Variants in XYLT1 observed in about 807,000 individuals in gnomAD.
XYLT1 encodes xylosyltransferase 1, also known as beta-D-xylosyltransferase 1.
XYLT1 carries 36 observed loss-of-function variants against 91.3 expected under a neutral mutation model. That is an observed-to-expected ratio of 0.39 (90% CI 0.30 to 0.52). The LOEUF is 0.52. Ranked by LOEUF, XYLT1 falls within the 20% of genes least tolerant of loss-of-function variation. The pLI, the probability that XYLT1 is intolerant of heterozygous loss-of-function variation, is 0.68. For missense variants in XYLT1, 1,242 were observed against 1,284.5 expected (o/e 0.97, Z 0.51); for synonymous variants, 588 against 532.0 (o/e 1.11, Z -1.45).
intron 2 of XYLT1, among the ~76,000 whole-genome samples, chr16:17,331,959 T>C (rs2034904278): frequency 6.6e-6 from 1 of 152,218 alleles, no homozygotes; most frequent in Non-Finnish European, 1.5e-5. Flanking sequence ...TGCCTGCCTA[T>C]CCCTGGAGAG....
At chr16:17,315,207 C>G (rs1484962704) in intron 2 of XYLT1, among the ~76,000 whole-genome samples, 1 of 152,232 alleles carries the variant, frequency 6.6e-6, no homozygotes, top group Non-Finnish European at 1.5e-5. Flanking sequence ...CAAAGCTCAG[C>G]ATGTCCTGAA....
intron 3 of XYLT1, among the ~76,000 whole-genome samples, chr16:17,224,297 C>T (rs2033024722): frequency 6.6e-6 from 1 of 152,192 alleles, no homozygotes; most frequent in South Asian, 2.1e-4. Context: ...CCTAAACTTT[C>T]CATACATTTC....
At chr16:17,125,123 G>A (rs2030213147) in intron 10 of XYLT1, among the ~76,000 whole-genome samples, 1 of 152,020 alleles carries the variant, frequency 6.6e-6, no homozygotes, top group African/African-American at 2.4e-5. Flanking sequence ...TCCATTGCTG[G>A]TGAGCTAGTG....
At chr16:17,172,470 T>C (rs557159494) in intron 5 of XYLT1, among the ~76,000 whole-genome samples, 123 of 144,210 alleles carry the variant, frequency 8.5e-4, no homozygotes, top group African/African-American at 2.9e-3. Context: ...TCATTTCTTT[T>C]TTTTTTTTTT....
At chr16:17,410,203 A>G (rs1185827140) in intron 1 of XYLT1, among the ~76,000 whole-genome samples, 2 of 152,222 alleles carry the variant, frequency 1.3e-5, no homozygotes, top group Non-Finnish European at 2.9e-5. Flanking sequence ...AAGTATTGAT[A>G]CAAAAGGTGT....
intron 1 of XYLT1, among the ~76,000 whole-genome samples, chr16:17,447,403 T>C (rs537953479): frequency 3.9e-5 from 6 of 152,370 alleles, no homozygotes; most frequent in South Asian, 2.1e-4. Flanking sequence ...TCAAGCATTC[T>C]AGACCCTGTG....
At chr16:17,430,702 T>C (rs1300705985) in intron 1 of XYLT1, among the ~76,000 whole-genome samples, 1 of 152,204 alleles carries the variant, frequency 6.6e-6, no homozygotes, top group African/African-American at 2.4e-5. Flanking sequence ...TGTTTACATA[T>C]GGTCTTCCAG....
chr16:17,382,815 A>G (rs1473805290), intron 1 of XYLT1, among the ~76,000 whole-genome samples: 1 of 151,888 alleles, frequency 6.6e-6, no homozygotes, highest in Non-Finnish European at 1.5e-5. Context: ...AAGACACTTT[A>G]GTGCATTACT....
At chr16:17,247,118 C>T (rs933590744) in intron 3 of XYLT1, among the ~76,000 whole-genome samples, 1 of 151,622 alleles carries the variant, frequency 6.6e-6, no homozygotes, top group African/African-American at 2.4e-5. Flanking sequence ...GATAGCTAGT[C>T]TTTTCACTCT....
rs146891017 is a variant in XYLT1, at chr16:17,449,417, G to A, written c.363+21017C>T. On this transcript the variant is annotated intron_variant, in intron 1 of 11. Transcript: ENST00000261381. ...TGTGGACACTTCCCCTATGGGCTGCGGGGACGGGGCAGGCCCAGCACCTGG... is the reference window on the plus strand; with the variant it reads ...TGTGGACACTTCCCCTATGGGCTGCAGGGACGGGGCAGGCCCAGCACCTGG... 7.4e-3 allele frequency among the ~76,000 whole-genome samples: 1,126 copies of A among 152,360 alleles called. 8 individuals carry two copies. Among genetic ancestry groups the A allele is most frequent in the Middle Eastern group, 0.031 (9 of 294 alleles).
At chr16:17,278,881 A>C (rs1213036942) in intron 2 of XYLT1, among the ~76,000 whole-genome samples, 1 of 152,210 alleles carries the variant, frequency 6.6e-6, no homozygotes, top group Non-Finnish European at 1.5e-5. Flanking sequence ...TGCACAGGGA[A>C]GATCCTCCTG....
In XYLT1 at chr16:17,138,517, C is replaced by A; in HGVS notation, c.1602G>T (p.Thr534=). The A allele has an allele frequency of 6.2e-7, 1 of 1,613,168 alleles. No homozygotes were observed. Among genetic ancestry groups the A allele is most frequent in the Non-Finnish European group, 8.5e-7 (1 of 1,179,940 alleles). The change falls in exon 8 of 12, where the codon ACG becomes ACT. Residue 534 remains threonine (T), a synonymous_variant. Coordinates refer to ENST00000261381, the MANE Select transcript of XYLT1 (RefSeq NM_022166.4). ...CGCAGTGGGGGCTGTTCTCCAGGACCGTATGGAAGAAGGACTGCAGGGGAG... is the reference window on the plus strand; with the variant it reads ...CGCAGTGGGGGCTGTTCTCCAGGACAGTATGGAAGAAGGACTGCAGGGGAG... ...TLLPAESFFH[T]VLENSPHCDT... is the part of the protein sequence containing the mutation.
intron 1 of XYLT1, among the ~76,000 whole-genome samples, chr16:17,423,894 T>C (rs928836088): frequency 6.6e-6 from 1 of 152,176 alleles, no homozygotes; most frequent in Admixed American, 6.5e-5. Flanking sequence ...TGTTATTTCA[T>C]GAGATGACTA....
intron 2 of XYLT1, among the ~76,000 whole-genome samples, chr16:17,283,959 C>T (rs189082356): frequency 3.8e-4 from 58 of 152,324 alleles, no homozygotes; most frequent in African/African-American, 1.3e-3. Flanking sequence ...ACTATACACC[C>T]GCCCAGTCAG....
At chr16:17,190,188 A>G (rs1359604959) in intron 5 of XYLT1, among the ~76,000 whole-genome samples, 1 of 152,236 alleles carries the variant, frequency 6.6e-6, no homozygotes, top group Non-Finnish European at 1.5e-5. Flanking sequence ...TGGGATGATG[A>G]AAATGTTTAG....
At chr16:17,212,474 T>C (rs2032777263) in intron 3 of XYLT1, among the ~76,000 whole-genome samples, 1 of 152,132 alleles carries the variant, frequency 6.6e-6, no homozygotes, top group African/African-American at 2.4e-5. Flanking sequence ...CAACCATCTT[T>C]TAAAAAACGC....
At chr16:17,327,080 G>A (rs550489740) in intron 2 of XYLT1, among the ~76,000 whole-genome samples, 2 of 152,130 alleles carry the variant, frequency 1.3e-5, no homozygotes, top group Non-Finnish European at 2.9e-5. Flanking sequence ...AGGAGCTAAT[G>A]GACAGCACGG....
chr16:17,117,718 A>C lies in XYLT1; in HGVS notation c.2485T>G (p.Trp829Gly), dbSNP rs1227340679. ...AATTTGGTCTCTGCAACTGGCACCC[A>C]GTGGTGGAGAATTTTCACTGTCCAG... is the stretch of plus-strand genomic sequence containing the variant. Reference protein sequence around the residue: ...GVWTVKILHHWVPVAETKFLV... With the variant: ...GVWTVKILHHGVPVAETKFLV... The change falls in exon 11 of 12, where the codon TGG becomes GGG. Residue 829 changes from tryptophan to glycine, a missense_variant. This residue lies in a region of XYLT1 where 511 missense variants were observed against 497.0 expected (regional missense o/e 1.03). Transcript: ENST00000261381. The C allele has an allele frequency of 6.2e-7, 1 of 1,614,214 alleles. No individual in the cohort carries two copies. Among genetic ancestry groups the C allele is most frequent in the Non-Finnish European group, 8.5e-7 (1 of 1,180,032 alleles).
intron 3 of XYLT1, among the ~76,000 whole-genome samples, chr16:17,257,079 T>C (rs2033644574): frequency 1.3e-5 from 2 of 152,168 alleles, no homozygotes; most frequent in African/African-American, 2.4e-5. Context: ...CCTTCGGAGA[T>C]AACAAAAGCA....
Sources: allele counts gnomAD v4.1 joint callset (sites outside exome capture counted in the v4.1 genomes callset), GRCh38; gene constraint gnomAD v4.1.1; regional missense constraint gnomAD v4.1.1; transcripts MANE v1.5; gene names NCBI Gene and HGNC (gene_info 2026-07-23, HGNC 2026-07-21).